The following VWA3A variants were observed in gnomAD, a reference collection of about 807,000 sequenced individuals.
VWA3A encodes the protein von Willebrand factor A domain containing 3A.
Under a neutral mutation model 160.4 loss-of-function variants are expected in VWA3A, and 134 were observed. The ratio of observed to expected loss-of-function variants is 0.84; its 90% confidence interval spans 0.73 to 0.96. The LOEUF (loss-of-function observed/expected upper bound fraction) is 0.96, where lower values mean the gene tolerates loss of function less well. Ranked by LOEUF, VWA3A falls within the 40% of genes least tolerant of loss-of-function variation. The probability of loss-of-function intolerance (pLI) is 0.00; values close to 1 mark genes in which losing one functional copy is unlikely to be tolerated. For missense variants in VWA3A, 1,310 were observed against 1,447.9 expected, an observed-to-expected ratio of 0.90 and a Z score of 1.55; for synonymous variants, 476 against 543.4, an observed-to-expected ratio of 0.88 and a Z score of 1.72.
At chr16:22,130,156 G>A (rs193117256) in intron 17 of VWA3A, among the ~76,000 whole-genome samples, 1 of 152,152 alleles carries the variant, frequency 6.6e-6, no homozygotes, top group African/African-American at 2.4e-5. Context: ...CCACTGGTGG[G>A]GGAATGGAGG....
At position 22,144,229 on chromosome 16, in the gene VWA3A, C is replaced by G. The variant is rs750146432; in HGVS notation, c.2593-18C>G. 27 of 1,602,602 alleles carry G rather than the reference C, an allele frequency of 1.7e-5. No individual in the cohort carries two copies. The highest frequency in any genetic ancestry group is 2.7e-5 in the African/African-American group (2 of 74,262). ...GTCTGAATTGCCTAAGATAATAGTT[C>G]TTTCCTTTATTCTAAAGTGGGTGGC... On this transcript the variant is annotated intron_variant, in intron 25 of 33. Coordinates refer to ENST00000389398, the MANE Select transcript of VWA3A (RefSeq NM_173615.5).
intron 11 of VWA3A, 57 bp downstream of exon 11, chr16:22,117,233 G>T (rs2045664420): frequency 5.9e-6 from 9 of 1,537,330 alleles, no homozygotes; most frequent in South Asian, 1.2e-5. Context: ...TGCCTCCAAG[G>T]TTGTACCCAG....
intron 21 of VWA3A, among the ~76,000 whole-genome samples, chr16:22,138,061 G>A (rs1295212850): frequency 1.3e-5 from 2 of 152,098 alleles, no homozygotes; most frequent in Non-Finnish European, 2.9e-5. Context: ...TGTAAAATGG[G>A]GAGACGACAC....
intron 9 of VWA3A, 47 bp downstream of exon 9, chr16:22,115,519 G>GAAA: frequency 6.5e-7 from 1 of 1,547,852 alleles, no homozygotes; most frequent in Non-Finnish European, 8.7e-7. Context: ...GAAAAGGACT[G>GAAA]AAAAACCAAA....
At chr16:22,136,687 C>G (rs1002979600) in intron 21 of VWA3A, among the ~76,000 whole-genome samples, 3 of 151,954 alleles carry the variant, frequency 2.0e-5, no homozygotes, top group Non-Finnish European at 4.4e-5. Context: ...TGTGGCTCCC[C>G]CTGCGTGCCT....
intron 9 of VWA3A, chr16:22,116,284 G>A: frequency 2.4e-6 from 1 of 411,678 alleles, no homozygotes; most frequent in Non-Finnish European, 4.6e-6. Flanking sequence ...AAAGAAGAAG[G>A]AAGGAAAGAA....
Position 22,115,465 on chromosome 16 carries a change from A to G in VWA3A, c.808A>G (p.Arg270Gly). The G allele has an allele frequency of 6.2e-7, 1 of 1,606,230 alleles. No homozygotes were observed. Among genetic ancestry groups the G allele is most frequent in the East Asian group, 2.2e-5 (1 of 44,636 alleles). The change falls in exon 9 of 34, where the codon AGA becomes GGA. Residue 270 changes from arginine (R) to glycine (G), a missense_variant. Transcript: ENST00000389398. ...KGLDSLVAIM[R>G]SCPDQPSEIL... ...ACTGGATTCCCTGGTGGCCATCATG[A>G]GAAGCTGGTAGGTCTTCTTTCCTAA...
intron 27 of VWA3A, 78 bp downstream of exon 27, chr16:22,146,422 GT>G: frequency 7.8e-7 from 1 of 1,279,708 alleles, no homozygotes; most frequent in Non-Finnish European, 1.1e-6. Context: ...CCCAGTGTCA[GT>G]CCTTCCAAAG....
chr16:22,102,680 C>T (rs993870221), intron 5 of VWA3A, among the ~76,000 whole-genome samples: 2 of 152,190 alleles, frequency 1.3e-5, no homozygotes, highest in African/African-American at 4.8e-5. Context: ...CCAGTAGAAA[C>T]GATTGCTTAA....
chr16:22,127,485 A>G (rs2141941625), intron 17 of VWA3A, among the ~76,000 whole-genome samples: 1 of 152,306 alleles, frequency 6.6e-6, no homozygotes, highest in Non-Finnish European at 1.5e-5. Flanking sequence ...AAGGGAAGAC[A>G]GAGAGAAAAG....
Position 22,148,150 on chromosome 16 carries a change from G to A in VWA3A, c.2840-12G>A. The A allele has an allele frequency of 1.9e-6, 3 of 1,591,824 alleles. No individual in the cohort carries two copies. The highest frequency in any genetic ancestry group is 2.6e-6 in the Non-Finnish European group (3 of 1,169,254). On this transcript the variant is annotated splice_polypyrimidine_tract_variant and intron_variant, in intron 27 of 33. Transcript: ENST00000389398. The stretch of plus-strand genomic sequence containing the variant: ...CTCCCTCCCTGCCTCTTCCCCACCT[G>A]TCTCGGAGCAGGGAGCCGCCGACTG...
At chr16:22,131,414 A>G in intron 18 of VWA3A, 135 bp downstream of exon 18, 1 of 1,429,470 alleles carries the variant, frequency 7.0e-7, no homozygotes, top group Non-Finnish European at 9.5e-7. Flanking sequence ...CAGAAATCAG[A>G]AAACAGCTTC....
At chr16:22,144,839 T>C (rs1330588663) in intron 26 of VWA3A, among the ~76,000 whole-genome samples, 1 of 151,910 alleles carries the variant, frequency 6.6e-6, no homozygotes, top group Non-Finnish European at 1.5e-5. Context: ...AGTTGAGTCA[T>C]GGAGTTCAAG....
At chr16:22,124,683 C>T (rs951002327) in intron 16 of VWA3A, among the ~76,000 whole-genome samples, 2 of 151,810 alleles carry the variant, frequency 1.3e-5, no homozygotes, top group Middle Eastern at 3.4e-3. Context: ...CATGAGCCAC[C>T]GCACCTGGCC....
chr16:22,111,120 C>T (rs1206019329), intron 8 of VWA3A, 126 bp downstream of exon 8: 2 of 772,890 alleles, frequency 2.6e-6, no homozygotes, highest in South Asian at 2.4e-5. Flanking sequence ...TACAAAGAGA[C>T]AACTCACAAA....
At chr16:22,122,280 G>GAT (rs2045753412) in intron 14 of VWA3A, among the ~76,000 whole-genome samples, 5 of 149,014 alleles carry the variant, frequency 3.4e-5, no homozygotes, top group African/African-American at 1.3e-4. Flanking sequence ...TGGATGGATG[G>GAT]GTGGATGGAT....
At position 22,156,589 on chromosome 16, in the gene VWA3A, A is replaced by G. The variant is rs2046444728; in HGVS notation, c.*572A>G. 1 of 152,348 alleles carries G rather than the reference A, an allele frequency of 6.6e-6. No individual in the cohort carries two copies. The highest frequency in any genetic ancestry group is 2.4e-5 in the African/African-American group (1 of 41,454). 9.4% of individuals were successfully genotyped at this position (152,348 alleles called of 1,614,324 possible). A position where few individuals can be genotyped will look rare whatever the true frequency, so the allele number is the denominator to read the frequency against. On this transcript the variant is annotated 3_prime_UTR_variant, in exon 34 of 34. Transcript: ENST00000389398. Reference sequence around the variant, plus strand: ...TCTGCAGGTCCCCAGAAGCTGCCACATAGGAGACACATGGTGAACAGTGAG... The same window carrying G: ...TCTGCAGGTCCCCAGAAGCTGCCACGTAGGAGACACATGGTGAACAGTGAG...
At chr16:22,148,408 T>G (rs769350503) in intron 28 of VWA3A, 102 bp downstream of exon 28, 133 of 1,423,160 alleles carry the variant, frequency 9.3e-5, no homozygotes, top group Non-Finnish European at 1.2e-4. Flanking sequence ...CTGGAGTTTC[T>G]GAGATGCTCT....
intron 6 of VWA3A, among the ~76,000 whole-genome samples, chr16:22,106,848 G>C (rs920617138): frequency 4.6e-5 from 7 of 152,228 alleles, no homozygotes; most frequent in South Asian, 2.1e-4. Flanking sequence ...ATGAGATATG[G>C]TAGATTCAAT....
Sources: allele counts gnomAD v4.1 joint callset (sites outside exome capture counted in the v4.1 genomes callset), GRCh38; gene constraint gnomAD v4.1.1; transcripts MANE v1.5; gene names NCBI Gene and HGNC (gene_info 2026-07-23, HGNC 2026-07-21).